DEPDC7: variants seen among roughly 807,000 people sequenced by gnomAD.
DEPDC7 encodes the protein DEP domain-containing protein 7.
A neutral mutation model predicts 56.6 loss-of-function variants in DEPDC7; 41 were observed. The observed-to-expected ratio is 0.72, with a 90% CI of 0.56 to 0.94. DEPDC7 has a LOEUF of 0.94. Among genes scored for constraint, DEPDC7 ranks in the 40% least tolerant of loss-of-function variants. The pLI, the probability that DEPDC7 is intolerant of heterozygous loss-of-function variation, is 0.00. For synonymous variants in DEPDC7, 185 were observed against 208.8 expected (o/e 0.89, Z 0.98); for missense variants, 522 against 596.3 (o/e 0.88, Z 1.30).
At chr11:33,029,407 A>G (rs1362998179) in intron 4 of DEPDC7, among the ~76,000 whole-genome samples, 4 of 148,974 alleles carry the variant, frequency 2.7e-5, no homozygotes. Flanking sequence ...CAGGAAAATC[A>G]CTTGAACTTG....
intron 3 of DEPDC7, 196 bp downstream of exon 3, chr11:33,028,009 A>C: frequency 4.5e-6 from 2 of 444,722 alleles, no homozygotes; most frequent in South Asian, 1.5e-4. Context: ...AGAACTCTTG[A>C]ACACTGACTT....
In DEPDC7 at chr11:33,015,882, T is replaced by G; in HGVS notation, c.-74T>G. 4 of 1,445,302 alleles carry G rather than the reference T, an allele frequency of 2.8e-6. No homozygotes were observed. Among genetic ancestry groups the G allele is most frequent in the Non-Finnish European group, 3.7e-6 (4 of 1,069,210 alleles). 89.5% of individuals were successfully genotyped at this position (1,445,302 alleles called of 1,614,324 possible). ...CTGCAGGGAGCCACGCCCCGCACAG[T>G]TAACAGACGGGCGCTCAGGGAGCTA... On this transcript the variant is annotated 5_prime_UTR_variant, in exon 1 of 9. Transcript: ENST00000241051.
intron 1 of DEPDC7, among the ~76,000 whole-genome samples, chr11:33,018,070 G>A (rs1181684517): frequency 6.6e-6 from 1 of 152,102 alleles, no homozygotes; most frequent in Non-Finnish European, 1.5e-5. Flanking sequence ...TTTCTTGTTG[G>A]TAGACTTCTT....
chr11:33,019,408 G>A (rs1471499789), intron 1 of DEPDC7, among the ~76,000 whole-genome samples: 2 of 152,074 alleles, frequency 1.3e-5, no homozygotes, highest in African/African-American at 4.8e-5. Context: ...GCTCACACCT[G>A]TAATGCCAGC....
chr11:33,026,920 G>A (rs10836002), intron 2 of DEPDC7, among the ~76,000 whole-genome samples: 60,960 of 151,826 alleles, frequency 0.4, 12,418 homozygotes, highest in East Asian at 0.45. Context: ...AAGCCACTGC[G>A]CCTGGCCCAT....
chr11:33,033,542 C>A lies in DEPDC7; in HGVS notation c.*87C>A. 9.7e-7 allele frequency: 1 copy of A among 1,034,342 alleles called. No individual in the cohort carries two copies. Among genetic ancestry groups the A allele is most frequent in the East Asian group, 2.7e-5 (1 of 37,410 alleles). 64.1% of individuals were successfully genotyped at this position (1,034,342 alleles called of 1,614,324 possible). A position where few individuals can be genotyped will look rare whatever the true frequency, so the allele number is the denominator to read the frequency against. On this transcript the variant is annotated 3_prime_UTR_variant, in exon 9 of 9. Transcript: ENST00000241051. ...AATCACATTTGTAAGCGTGGAAGCT[C>A]TAAATTTGAAACTGTACTTAATAAA...
At chr11:33,019,859 A>G (rs1404500228) in intron 1 of DEPDC7, among the ~76,000 whole-genome samples, 1 of 151,232 alleles carries the variant, frequency 6.6e-6, no homozygotes, top group Admixed American at 6.6e-5. Context: ...GAGAAACATC[A>G]ACTGTCTGGA....
At position 33,026,053 on chromosome 11, in the gene DEPDC7, G is replaced by T; in HGVS notation, c.464+4G>T. 1 of 1,613,546 alleles carries T rather than the reference G, an allele frequency of 6.2e-7. No homozygotes were observed. On this transcript the variant is annotated splice_donor_region_variant and intron_variant, in intron 2 of 8. Transcript: ENST00000241051. ...ACAAACTATATTCACCTGCCAGGTT[G>T]GTATATAATGTTAGATTATCACGGG...
intron 4 of DEPDC7, among the ~76,000 whole-genome samples, chr11:33,030,941 G>C (rs1200098885): frequency 1.3e-5 from 2 of 152,198 alleles, no homozygotes; most frequent in African/African-American, 4.8e-5. Flanking sequence ...TAAAGGGAGA[G>C]CTAATAGATC....
In DEPDC7 at chr11:33,031,525, C is replaced by T. The variant is rs772074158; in HGVS notation, c.930C>T (p.Tyr310=). The part of the protein sequence containing the change: ...ELLFDAIGRY[Y]SSREPLLNHL... The stretch of plus-strand genomic sequence containing the variant: ...TGTTTGATGCCATTGGCAGATATTA[C>T]AGTAGTAGGGAACCTCTGTTAAATC... The change falls in exon 5 of 9, where the codon TAC becomes TAT. Residue 310 remains tyrosine, a synonymous_variant. Transcript: ENST00000241051. 3 of 1,614,092 alleles carry T rather than the reference C, an allele frequency of 1.9e-6. No individual in the cohort carries two copies. Among genetic ancestry groups the T allele is most frequent in the Non-Finnish European group, 2.5e-6 (3 of 1,179,954 alleles).
intron 1 of DEPDC7, among the ~76,000 whole-genome samples, chr11:33,019,672 GAAAA>G (rs1393977184): frequency 6.6e-6 from 1 of 151,328 alleles, no homozygotes. Context: ...TCTCAAAAAA[GAAAA>G]AAAAGTAAGT....
chr11:33,016,638 G>A, intron 1 of DEPDC7: 3 of 1,587,392 alleles, frequency 1.9e-6, no homozygotes, highest in Non-Finnish European at 2.6e-6. Flanking sequence ...AGAAGTTTTT[G>A]GCTAAAAAAA....
chr11:33,033,498 TTATG>T lies in DEPDC7; in HGVS notation c.*47_*50del, dbSNP rs1339014319. On this transcript the variant is annotated 3_prime_UTR_variant, in exon 9 of 9. Coordinates refer to ENST00000241051, the MANE Select transcript of DEPDC7 (RefSeq NM_001077242.2). ...ATAAGTTGTGTATTTTAAGAATAAATTATGTATCCTAAATATCCAATCACATTTG... is the reference window on the plus strand; with the variant it reads ...ATAAGTTGTGTATTTTAAGAATAAATTATCCTAAATATCCAATCACATTTG... 12 of 1,277,114 alleles carry T rather than the reference TTATG, an allele frequency of 9.4e-6. No homozygotes were observed. Among genetic ancestry groups the T allele is most frequent in the African/African-American group, 1.5e-5 (1 of 65,526 alleles). The allele number at this position is 1,277,114 out of a possible 1,614,324, so 79.1% of individuals were successfully genotyped here. A position where few individuals can be genotyped will look rare whatever the true frequency, so the allele number is the denominator to read the frequency against.
chr11:33,018,019 A>G (rs572394920), intron 1 of DEPDC7, among the ~76,000 whole-genome samples: 1 of 152,318 alleles, frequency 6.6e-6, no homozygotes, highest in Non-Finnish European at 1.5e-5. Flanking sequence ...GCAGAGACCA[A>G]TGTCTGCTTT....
chr11:33,031,629 G>A, intron 5 of DEPDC7, 40 bp downstream of exon 5: 1 of 1,528,732 alleles, frequency 6.5e-7, no homozygotes, highest in Non-Finnish European at 9.0e-7. Context: ...TTATCTTTTG[G>A]AGGAAACAAG....
At chr11:33,025,165 G>A (rs533684431) in intron 1 of DEPDC7, among the ~76,000 whole-genome samples, 10 of 151,974 alleles carry the variant, frequency 6.6e-5, no homozygotes, top group African/African-American at 1.2e-4. Context: ...CTGGCTGTGC[G>A]GACCTCCCTC....
chr11:33,032,586 C>A, intron 6 of DEPDC7, 82 bp from the exon 7 acceptor site: 2 of 1,329,048 alleles, frequency 1.5e-6, no homozygotes, highest in Non-Finnish European at 2.0e-6. Context: ...TGTATAATAG[C>A]TATTAATATT....
chr11:33,027,537 G>C (rs1853591327), intron 2 of DEPDC7, 149 bp from the exon 3 acceptor site: 6 of 583,556 alleles, frequency 1.0e-5, no homozygotes, highest in Non-Finnish European at 1.6e-5. Flanking sequence ...GAAGGTGGGT[G>C]TTTTTATAAT....
chr11:33,017,924 A>G (rs1294698399), intron 1 of DEPDC7, among the ~76,000 whole-genome samples: 1 of 152,228 alleles, frequency 6.6e-6, no homozygotes, highest in Non-Finnish European at 1.5e-5. Flanking sequence ...ACTGTAACCT[A>G]ATTCTTTGAG....
Sources: allele counts gnomAD v4.1 joint callset (sites outside exome capture counted in the v4.1 genomes callset), GRCh38; gene constraint gnomAD v4.1.1; transcripts MANE v1.5; gene names NCBI Gene and HGNC (gene_info 2026-07-23, HGNC 2026-07-21).